Variants in MTOR observed in about 807,000 individuals in gnomAD.
MTOR encodes mechanistic target of rapamycin kinase.
A neutral mutation model predicts 319.8 loss-of-function variants in MTOR; 70 were observed. The ratio of observed to expected loss-of-function variants is 0.22; its 90% CI spans 0.18 to 0.27. The LOEUF (loss-of-function observed/expected upper bound fraction) is 0.27. MTOR is among the 10% of genes least tolerant of loss of function. The probability of loss-of-function intolerance (pLI) is 1.00; values close to 1 mark genes in which losing one functional copy is unlikely to be tolerated. For synonymous variants in MTOR, 1,183 were observed against 1,211.4 expected, an observed-to-expected ratio of 0.98 and a Z score of 0.49; for missense variants, 1,890 against 3,274.4, an observed-to-expected ratio of 0.58 and a Z score of 10.32.
intron 28 of MTOR, among the ~76,000 whole-genome samples, chr1:11,169,194 G>A (rs1478022437): frequency 6.6e-6 from 1 of 152,212 alleles, no homozygotes; most frequent in East Asian, 1.9e-4. Flanking sequence ...AAATTGCCCA[G>A]AAATCTAAAG....
At chr1:11,120,521 A>G (rs1179627812) in intron 49 of MTOR, among the ~76,000 whole-genome samples, 22 of 131,104 alleles carry the variant, frequency 1.7e-4, no homozygotes, top group Non-Finnish European at 2.2e-4. Flanking sequence ...CTGGGCGGGG[A>G]AAAAAAAAAA....
rs766381682 is a variant in MTOR, at chr1:11,133,110, G to A, written c.5334C>T (p.Ala1778=). The change falls in exon 38 of 58, where the codon GCC becomes GCT. Residue 1778 remains alanine, a synonymous_variant. Transcript: ENST00000361445. This position sits in a 1 kb window ranked among gnomAD's most constrained non-coding sequence, Gnocchi z 4.0. ...ACCAGCTGCGGTCGTGCTCTGTGGC[G>A]GCGCTGTAGTACTGCAGCACTTTGG... The part of the protein sequence containing the change: ...TIPKVLQYYS[A]ATEHDRSWYK... The A allele has an allele frequency of 2.6e-5, 42 of 1,613,982 alleles. No homozygotes were observed. Among genetic ancestry groups the A allele is most frequent in the Middle Eastern group, 1.6e-4 (1 of 6,082 alleles).
intron 26 of MTOR, among the ~76,000 whole-genome samples, chr1:11,203,520 C>T (rs1295407679): frequency 2.0e-5 from 3 of 151,636 alleles, no homozygotes; most frequent in Non-Finnish European, 2.9e-5. Context: ...ACTAAAAATA[C>T]AAAATTAGCT....
chr1:11,196,962 T>C (rs1174405267), intron 28 of MTOR, among the ~76,000 whole-genome samples: 5 of 151,946 alleles, frequency 3.3e-5, no homozygotes, highest in African/African-American at 9.7e-5. Flanking sequence ...CAAATGTATA[T>C]ACTAAAATAA....
At chr1:11,236,509 G>GTT (rs1182732565) in intron 13 of MTOR, among the ~76,000 whole-genome samples, 15 of 124,010 alleles carry the variant, frequency 1.2e-4, no homozygotes, top group Non-Finnish European at 1.2e-4. Context: ...GTGATTTCAC[G>GTT]TTTTTTTTTT....
chr1:11,199,820 T>C lies in MTOR; in HGVS notation c.3945-117A>G. The C allele has an allele frequency of 1.0e-6, 1 of 1,000,026 alleles. No individual in the cohort carries two copies. 61.9% of individuals were successfully genotyped at this position (1,000,026 alleles called of 1,614,324 possible). Reference sequence around the variant, plus strand: ...TGATTTTGGTTATACAAACCAGTGCTATACAGACCAGTGCTGTCCAAGAGA... The same window carrying C: ...TGATTTTGGTTATACAAACCAGTGCCATACAGACCAGTGCTGTCCAAGAGA... On this transcript the variant is annotated intron_variant, in intron 26 of 57. Coordinates refer to ENST00000361445, the MANE Select transcript of MTOR (RefSeq NM_004958.4). This position sits in a 1 kb window ranked among gnomAD's most constrained non-coding sequence, Gnocchi z 4.5.
At chr1:11,118,228 A>ATTTTATTTTTTTTT (rs1642282624) in intron 49 of MTOR, among the ~76,000 whole-genome samples, 4 of 120,766 alleles carry the variant, frequency 3.3e-5, no homozygotes, top group African/African-American at 1.6e-4. Flanking sequence ...AACTTAGTTA[A>ATTTTATTTTTTTTT]TTTTTTTTTT....
Position 11,121,316 on chromosome 1 carries a change from T to G in MTOR, c.6863A>C (p.Glu2288Ala). 6.2e-7 allele frequency: 1 copy of G among 1,614,122 alleles called. No individual in the cohort carries two copies. The highest frequency in any genetic ancestry group is 8.5e-7 in the Non-Finnish European group (1 of 1,180,032). ...LTLMQKVEVF[E>A]HAVNNTAGDD... ...CCCAGCTGTATTATTGACGGCATGC[T>G]CAAACACCTCCACCTTCTGCATCAG... The change falls in exon 49 of 58, where the codon GAG becomes GCG. Residue 2288 changes from glutamate to alanine, a missense_variant. Transcript: ENST00000361445. This position sits in a 1 kb window ranked among gnomAD's most constrained non-coding sequence, Gnocchi z 4.9.
chr1:11,202,812 G>A (rs1017736735), intron 26 of MTOR, among the ~76,000 whole-genome samples: 5 of 152,128 alleles, frequency 3.3e-5, no homozygotes, highest in Admixed American at 2.6e-4. Context: ...GGAGGCTGAC[G>A]TGGGAGGATC....
rs535465295 is a variant in MTOR at position 11,139,144 on chromosome 1, A to G, written c.5130+160T>C. The G allele has an allele frequency of 2.5e-5, 24 of 965,378 alleles. No homozygotes were observed. The South Asian group carries it at 3.8e-4, about 15-fold the overall frequency. The allele number at this position is 965,378 out of a possible 1,614,324, so 59.8% of individuals were successfully genotyped here. On this transcript the variant is annotated intron_variant, in intron 36 of 57. Transcript: ENST00000361445. ...CTCCTCAACTATGATTCACTCTATGAAATCAGGCCAAATAGCTTTGTAACA... is the reference window on the plus strand; with the variant it reads ...CTCCTCAACTATGATTCACTCTATGGAATCAGGCCAAATAGCTTTGTAACA...
chr1:11,238,748 T>C (rs1647544568), intron 11 of MTOR, 131 bp from the exon 12 acceptor site: 2 of 709,682 alleles, frequency 2.8e-6, no homozygotes, highest in Non-Finnish European at 2.3e-6. Flanking sequence ...ATCAATACGA[T>C]ACTGACCCGG....
chr1:11,161,150 C>T (rs902064020), intron 29 of MTOR, among the ~76,000 whole-genome samples: 1 of 152,232 alleles, frequency 6.6e-6, no homozygotes, highest in African/African-American at 2.4e-5. Flanking sequence ...CCGTGCCTGG[C>T]TCAGAGGGTC....
intron 32 of MTOR, 84 bp downstream of exon 32, chr1:11,146,592 C>T (rs7522918): frequency 5.9e-6 from 6 of 1,017,310 alleles, no homozygotes; most frequent in South Asian, 5.3e-5. Flanking sequence ...TGAAGTACAA[C>T]AGCTTCTTTA....
intron 8 of MTOR, among the ~76,000 whole-genome samples, chr1:11,246,934 C>G (rs1437990654): frequency 2.0e-5 from 3 of 152,194 alleles, no homozygotes; most frequent in African/African-American, 7.2e-5. Flanking sequence ...CTGTGCCAGG[C>G]ACTATAGTAG....
intron 31 of MTOR, 129 bp from the exon 32 acceptor site, chr1:11,146,920 A>C: frequency 1.5e-6 from 1 of 663,408 alleles, no homozygotes; most frequent in Non-Finnish European, 2.6e-6. Context: ...AATAAACTTG[A>C]GCCTCATGTA....
rs187235357 is a variant in MTOR at position 11,232,419 on chromosome 1, G to A, written c.2514+17C>T. 525 of 1,593,912 alleles carry A rather than the reference G, an allele frequency of 3.3e-4. 3 individuals carry two copies. The African/African-American group carries it at 6.2e-3, about 19-fold the overall frequency. ...CATGGGGTCTGTCTTGCTCAATCAG[G>A]AAGCAGTAATACTCACCTGCCTTTT... is the stretch of plus-strand genomic sequence containing the variant. On this transcript the variant is annotated intron_variant, in intron 16 of 57. Transcript: ENST00000361445.
chr1:11,183,947 A>G (rs922804361), intron 28 of MTOR, among the ~76,000 whole-genome samples: 2 of 152,214 alleles, frequency 1.3e-5, no homozygotes, highest in East Asian at 3.9e-4. Context: ...AAAGGAATAA[A>G]TACATAAATA....
Position 11,240,289 on chromosome 1 carries a change from T to C in MTOR, c.1786+14A>G. The C allele has an allele frequency of 1.3e-6, 2 of 1,543,108 alleles. No individual in the cohort carries two copies. Among genetic ancestry groups the C allele is most frequent in the East Asian group, 2.3e-5 (1 of 44,088 alleles). On this transcript the variant is annotated intron_variant, in intron 11 of 57. Transcript: ENST00000361445. The stretch of plus-strand genomic sequence containing the variant: ...TCTCTCACTATCTTGGCAAGAGCCG[T>C]TGTAATTTCTTACCTTCAAATTCAA...
chr1:11,216,389 T>A (rs1646471304), intron 19 of MTOR, among the ~76,000 whole-genome samples, 155 bp from the exon 20 acceptor site: 2 of 152,124 alleles, frequency 1.3e-5, no homozygotes, highest in South Asian at 4.2e-4. Flanking sequence ...CAAGCTTGGC[T>A]AGGTTTGGAG....
Sources: allele counts gnomAD v4.1 joint callset (sites outside exome capture counted in the v4.1 genomes callset), GRCh38; gene constraint gnomAD v4.1.1; non-coding constraint Gnocchi (gnomAD v3.1); transcripts MANE v1.5; gene names NCBI Gene and HGNC (gene_info 2026-07-23, HGNC 2026-07-21).